Variants in PHACTR1 observed in about 807,000 individuals in gnomAD.
The protein encoded by PHACTR1 is phosphatase and actin regulator 1.
PHACTR1 carries 16 observed loss-of-function variants against 69.2 expected under a neutral mutation model. The ratio of observed to expected loss-of-function variants is 0.23; its 90% CI spans 0.16 to 0.35. The LOEUF (loss-of-function observed/expected upper bound fraction) is 0.35. Among genes scored for constraint, PHACTR1 ranks in the 10% least tolerant of loss-of-function variants. The probability of loss-of-function intolerance (pLI) is 1.00; values close to 1 mark genes in which losing one functional copy is unlikely to be tolerated. For synonymous variants in PHACTR1, 312 were observed against 284.5 expected (o/e 1.10, Z -0.97); for missense variants, 510 against 734.7 (o/e 0.69, Z 3.54).
intron 5 of PHACTR1, among the ~76,000 whole-genome samples, chr6:13,083,264 G>T (rs1407449018): frequency 6.6e-6 from 1 of 151,830 alleles, no homozygotes; most frequent in Non-Finnish European, 1.5e-5. Flanking sequence ...TAGATATGCG[G>T]CATTATTTCT....
intron 7 of PHACTR1, among the ~76,000 whole-genome samples, chr6:13,205,225 C>T (rs1444468161): frequency 2.6e-5 from 4 of 152,146 alleles, no homozygotes; most frequent in Admixed American, 6.5e-5. Context: ...CCAGACTCTT[C>T]TTAACAACCC....
intron 10 of PHACTR1, among the ~76,000 whole-genome samples, chr6:13,247,267 C>T (rs76733476): frequency 0.021 from 3,174 of 151,576 alleles, 69 homozygotes; most frequent in Non-Finnish European, 0.027. Context: ...ACCGTCCTTT[C>T]GACTGTTAGG....
chr6:13,239,323 G>A (rs959762399), intron 10 of PHACTR1, among the ~76,000 whole-genome samples: 4 of 152,182 alleles, frequency 2.6e-5, no homozygotes, highest in Admixed American at 6.5e-5. Context: ...CCACAAATGC[G>A]TGGACTTCGT....
chr6:12,944,783 A>ATTTTTTTTTTTTTT (rs201376090), intron 4 of PHACTR1, among the ~76,000 whole-genome samples: 1 of 119,298 alleles, frequency 8.4e-6, no homozygotes, highest in African/African-American at 3.4e-5. Context: ...ATTTATTTTT[A>ATTTTTTTTTTTTTT]TTTATTTTTT....
At chr6:12,851,306 G>A (rs1445347637) in intron 4 of PHACTR1, among the ~76,000 whole-genome samples, 2 of 152,154 alleles carry the variant, frequency 1.3e-5, no homozygotes, top group Non-Finnish European at 1.5e-5. Context: ...CAATACACAG[G>A]CGAACATTTA....
intron 4 of PHACTR1, among the ~76,000 whole-genome samples, chr6:12,816,450 T>C (rs759775852): frequency 3.3e-5 from 5 of 152,242 alleles, no homozygotes; most frequent in Non-Finnish European, 5.9e-5. Flanking sequence ...AAAGTCTGAT[T>C]AGGTTTGCTC....
At chr6:12,789,875 A>G (rs1324600992) in intron 4 of PHACTR1, among the ~76,000 whole-genome samples, 2 of 151,386 alleles carry the variant, frequency 1.3e-5, no homozygotes, top group African/African-American at 4.9e-5. Flanking sequence ...TGCTGCACCC[A>G]TCAACTCGTC....
chr6:12,899,830 C>A lies in PHACTR1; in HGVS notation c.250+150040C>A, dbSNP rs931499434. Among the ~76,000 whole-genome samples, 5 of 152,202 alleles carry A rather than the reference C, an allele frequency of 3.3e-5. 1 individual carries two copies. The highest frequency in any genetic ancestry group is 6.4e-3 in the Middle Eastern group (2 of 314). The stretch of plus-strand genomic sequence containing the variant: ...TTTCCAGCATGGCATGAGCTCACTG[C>A]GCAGGAGACTGCACGCCCGGGTCTG... On this transcript the variant is annotated intron_variant, in intron 4 of 14. Coordinates refer to ENST00000332995, the MANE Select transcript of PHACTR1 (RefSeq NM_030948.6).
chr6:13,162,983 C>T (rs1027602009), intron 6 of PHACTR1, among the ~76,000 whole-genome samples: 8 of 152,296 alleles, frequency 5.3e-5, no homozygotes, highest in African/African-American at 1.2e-4. Flanking sequence ...CGGTGTCTCA[C>T]GCCTGTAATC....
chr6:13,063,591 C>T (rs1426085203), intron 5 of PHACTR1, among the ~76,000 whole-genome samples: 1 of 149,372 alleles, frequency 6.7e-6, no homozygotes, highest in African/African-American at 2.5e-5. Context: ...CTTGGCAACA[C>T]AGAAAGAGCC....
chr6:13,223,308 T>C (rs549071285), intron 8 of PHACTR1, among the ~76,000 whole-genome samples: 33 of 152,306 alleles, frequency 2.2e-4, no homozygotes, highest in African/African-American at 7.7e-4. Context: ...AGGAACCAGA[T>C]AGATAGTAAA....
chr6:13,095,265 C>T (rs898068220), intron 5 of PHACTR1, among the ~76,000 whole-genome samples: 4 of 152,322 alleles, frequency 2.6e-5, no homozygotes, highest in Non-Finnish European at 4.4e-5. Flanking sequence ...AGAGGAAGCC[C>T]TGTAGAAGAT....
chr6:13,166,631 G>A, intron 6 of PHACTR1, among the ~76,000 whole-genome samples: 1 of 152,220 alleles, frequency 6.6e-6, no homozygotes, highest in East Asian at 1.9e-4. Flanking sequence ...ATTTAAATAG[G>A]TAATATTATA....
chr6:13,284,427 G>A lies in PHACTR1; in HGVS notation c.1650+865G>A, dbSNP rs538837809. Among the ~76,000 whole-genome samples the A allele has an allele frequency of 4.8e-5, 7 of 145,470 alleles. No individual in the cohort carries two copies. The Admixed American group carries it at 4.9e-4, about 10-fold the overall frequency. ...AGCTGCTCGGGAGGCTGAGGCAGGA[G>A]AATTGCTTGAACCCAGGAGGTGGAG... On this transcript the variant is annotated intron_variant, in intron 13 of 14. Coordinates refer to ENST00000332995, the MANE Select transcript of PHACTR1 (RefSeq NM_030948.6).
At chr6:12,834,007 AC>A (rs1182148428) in intron 4 of PHACTR1, among the ~76,000 whole-genome samples, 1 of 151,974 alleles carries the variant, frequency 6.6e-6, no homozygotes, top group Non-Finnish European at 1.5e-5. Context: ...CCTTAGAGAG[AC>A]CTTCCTGATC....
In PHACTR1 at chr6:12,858,486, G is replaced by C. The variant is rs1465728954; in HGVS notation, c.250+108696G>C. Among the ~76,000 whole-genome samples, 4 of 152,112 alleles carry C rather than the reference G, an allele frequency of 2.6e-5. No individual in the cohort carries two copies. In the East Asian group the frequency reaches 7.7e-4, roughly 29 times the overall value. ...GTATACTTCATAAGAATGTGGCTAA[G>C]TTTGGAGATAAAGTCTAGCTATAGG... On this transcript the variant is annotated intron_variant, in intron 4 of 14. Transcript: ENST00000332995.
chr6:12,821,778 C>G (rs1581917876), intron 4 of PHACTR1, among the ~76,000 whole-genome samples: 1 of 152,142 alleles, frequency 6.6e-6, no homozygotes, highest in East Asian at 1.9e-4. Flanking sequence ...TAAAACATCT[C>G]TAGATATTAT....
chr6:12,767,565 T>A (rs1768792921), intron 4 of PHACTR1, among the ~76,000 whole-genome samples: 1 of 152,232 alleles, frequency 6.6e-6, no homozygotes. Flanking sequence ...AGAAATCTCC[T>A]TTACACTTTC....
chr6:13,075,573 G>C (rs1810312496), intron 5 of PHACTR1, among the ~76,000 whole-genome samples: 2 of 152,140 alleles, frequency 1.3e-5, no homozygotes, highest in South Asian at 4.1e-4. Context: ...TCTCCATGCA[G>C]AATTTGCTCA....
Sources: gnomAD v4.1 joint callset for allele counts (sites outside exome capture counted in the v4.1 genomes callset) on GRCh38, gnomAD v4.1.1 for gene constraint, MANE v1.5 for transcripts, NCBI Gene and HGNC (gene_info 2026-07-23, HGNC 2026-07-21) for gene names.